CAMK2A: variants seen among roughly 807,000 people sequenced by gnomAD.
CAMK2A encodes the protein calcium/calmodulin-dependent protein kinase type II subunit alpha.
In CAMK2A, 7 loss-of-function variants were observed where a neutral mutation model predicts 79.2. That is an observed-to-expected ratio of 0.09 (90% CI 0.05 to 0.17). CAMK2A has a LOEUF of 0.17. Ranked by LOEUF, CAMK2A falls within the 10% of genes least tolerant of loss-of-function variation. The pLI is 1.00. For synonymous variants in CAMK2A, 242 were observed against 251.7 expected, an observed-to-expected ratio of 0.96 and a Z score of 0.36; for missense variants, 214 against 646.4, an observed-to-expected ratio of 0.33 and a Z score of 7.25.
intron 1 of CAMK2A, among the ~76,000 whole-genome samples, chr5:150,279,716 G>A (rs1580955465): frequency 6.6e-6 from 1 of 152,232 alleles, no homozygotes; most frequent in African/African-American, 2.4e-5. Flanking sequence ...GAGGGTGGAC[G>A]AGCAGGAGTG....
At position 150,223,321 on chromosome 5, in the gene CAMK2A, T is replaced by G; in HGVS notation, c.1238-104A>C. 1.1e-6 allele frequency: 1 copy of G among 894,164 alleles called. No individual in the cohort carries two copies. Among genetic ancestry groups the G allele is most frequent in the Non-Finnish European group, 1.7e-6 (1 of 577,992 alleles). The allele number at this position is 894,164 out of a possible 1,614,324, so 55.4% of individuals were successfully genotyped here. A position where few individuals can be genotyped will look rare whatever the true frequency, so the allele number is the denominator to read the frequency against. On this transcript the variant is annotated intron_variant, in intron 17 of 18. Coordinates refer to ENST00000671881, the MANE Select transcript of CAMK2A (RefSeq NM_015981.4). This position sits in a 1 kb window ranked among gnomAD's most constrained non-coding sequence, Gnocchi z 4.1. Reference sequence around the variant, plus strand: ...AGCAGCCCTCTCAATGGAGGCGCCCTGCCTGACTCATTTGCAGGGAAGGGG... The same window carrying G: ...AGCAGCCCTCTCAATGGAGGCGCCCGGCCTGACTCATTTGCAGGGAAGGGG...
intron 16 of CAMK2A, among the ~76,000 whole-genome samples, chr5:150,228,901 G>A (rs947617441): frequency 6.6e-6 from 1 of 152,198 alleles, no homozygotes; most frequent in Non-Finnish European, 1.5e-5. Context: ...TCTGGGAGGA[G>A]AAGCACAGGG....
chr5:150,273,090 G>A lies in CAMK2A; in HGVS notation c.132C>T (p.Ile44=). The stretch of plus-strand genomic sequence containing the variant: ...CTCTGGCTGACAGCTTCTTTGTGTT[G>A]ATGATCTTGGCAGCATACTCCTGGC... The part of the protein sequence containing the change: ...LAGQEYAAKI[I]NTKKLSARDH... The change falls in exon 2 of 19, where the codon ATC becomes ATT. Residue 44 remains isoleucine, a synonymous_variant. Transcript: ENST00000671881. 1.2e-6 allele frequency: 2 copies of A among 1,613,790 alleles called. No individual in the cohort carries two copies. The highest frequency in any genetic ancestry group is 1.3e-5 in the African/African-American group (1 of 74,926).
intron 1 of CAMK2A, among the ~76,000 whole-genome samples, chr5:150,275,809 T>C (rs1048366086): frequency 1.3e-5 from 2 of 149,364 alleles, no homozygotes; most frequent in Non-Finnish European, 3.0e-5. Flanking sequence ...CTTCGGGGTA[T>C]GTGGATGTTT....
At chr5:150,282,098 T>C (rs1195185233) in intron 1 of CAMK2A, among the ~76,000 whole-genome samples, 2 of 152,146 alleles carry the variant, frequency 1.3e-5, no homozygotes, top group African/African-American at 2.4e-5. Context: ...TCCTAGGACC[T>C]GTTACTGAAA....
chr5:150,255,372 C>T lies in CAMK2A; in HGVS notation c.411+1201G>A, dbSNP rs549936925. ...AGAGGGGCAGGGTCTCTCTTCAGAG[C>T]ATTGTGCCCCAAAGAGGGACCCAGA... On this transcript the variant is annotated intron_variant, in intron 6 of 18. Transcript: ENST00000671881. 7.9e-5 allele frequency among the ~76,000 whole-genome samples: 12 copies of T among 151,744 alleles called. No individual in the cohort carries two copies. In the East Asian group the frequency reaches 2.3e-3, roughly 29 times the overall value.
At chr5:150,275,169 G>A (rs1756898288) in intron 1 of CAMK2A, among the ~76,000 whole-genome samples, 1 of 152,188 alleles carries the variant, frequency 6.6e-6, no homozygotes, top group Admixed American at 6.5e-5. Context: ...GAATTCATGG[G>A]CACACAGAGG....
chr5:150,239,694 A>C lies in CAMK2A; in HGVS notation c.1017+10T>G. ...GCATTTACCGGCGTTAGGAGACGGC[A>C]GACACTCACCATTAACTGAACGCTG... On this transcript the variant is annotated intron_variant, in intron 14 of 18. Transcript: ENST00000671881. 1 of 1,613,656 alleles carries C rather than the reference A, an allele frequency of 6.2e-7. No individual in the cohort carries two copies. Among genetic ancestry groups the C allele is most frequent in the Non-Finnish European group, 8.5e-7 (1 of 1,179,546 alleles).
chr5:150,266,433 A>T (rs1293306167), intron 2 of CAMK2A, among the ~76,000 whole-genome samples: 3 of 152,156 alleles, frequency 2.0e-5, no homozygotes, highest in African/African-American at 7.2e-5. Context: ...TTGGTAGTTA[A>T]CGCCTTAATT....
intron 2 of CAMK2A, among the ~76,000 whole-genome samples, chr5:150,272,496 C>G (rs530170125): frequency 3.4e-4 from 51 of 150,920 alleles, no homozygotes; most frequent in Non-Finnish European, 6.2e-4. Context: ...CGCTTGAACC[C>G]GGGAGGCAGA....
intron 13 of CAMK2A, among the ~76,000 whole-genome samples, chr5:150,241,058 C>T (rs953780154): frequency 2.0e-5 from 3 of 152,216 alleles, no homozygotes; most frequent in African/African-American, 7.2e-5. Context: ...GGACTTCTTC[C>T]CTCCTCCATC....
At chr5:150,239,765 A>G in intron 13 of CAMK2A, 29 bp from the exon 14 acceptor site, 1 of 1,607,074 alleles carries the variant, frequency 6.2e-7, no homozygotes, top group Non-Finnish European at 8.5e-7. Flanking sequence ...GAGATGGGAC[A>G]GGAAAAGACA....
intron 1 of CAMK2A, among the ~76,000 whole-genome samples, chr5:150,289,148 T>C (rs912547615): frequency 6.6e-6 from 1 of 152,144 alleles, no homozygotes; most frequent in African/African-American, 2.4e-5. Flanking sequence ...ACTGGAGGTA[T>C]CTAAGTGGAG....
intron 3 of CAMK2A, among the ~76,000 whole-genome samples, 168 bp from the exon 4 acceptor site, chr5:150,257,785 G>A (rs1239222115): frequency 6.6e-6 from 1 of 152,158 alleles, no homozygotes; most frequent in Non-Finnish European, 1.5e-5. Context: ...AGGGCTCACT[G>A]CATTGAGTCC....
intron 11 of CAMK2A, among the ~76,000 whole-genome samples, chr5:150,249,415 G>A (rs1170618893): frequency 6.6e-6 from 1 of 152,206 alleles, no homozygotes; most frequent in East Asian, 1.9e-4. Flanking sequence ...AGGGTCTCAC[G>A]TTCAGTCATG....
chr5:150,235,540 G>A (rs2114033988), intron 15 of CAMK2A, among the ~76,000 whole-genome samples: 1 of 152,374 alleles, frequency 6.6e-6, no homozygotes. Flanking sequence ...ATATTTCCCA[G>A]AATGTCTCTG....
At position 150,268,893 on chromosome 5, in the gene CAMK2A, A is replaced by C. The variant is rs374058042; in HGVS notation, c.158-3878T>G. 3.3e-4 allele frequency among the ~76,000 whole-genome samples: 50 copies of C among 152,122 alleles called. 3 individuals are homozygous for C. In the South Asian group the frequency reaches 4.2e-3, roughly 13 times the overall value. On this transcript the variant is annotated intron_variant, in intron 2 of 18. Transcript: ENST00000671881. ...TCCCTTCTCTGCCTCCCTCTTGAGT[A>C]GCTGGGACTACAGGCACCCGCCACC... is the stretch of plus-strand genomic sequence containing the variant.
In CAMK2A at chr5:150,265,257, A is replaced by G. The variant is rs559158251; in HGVS notation, c.158-242T>C. The G allele has an allele frequency of 1.4e-4, 69 of 499,016 alleles. No homozygotes were observed. In the Admixed American group the frequency reaches 2.0e-3, roughly 15 times the overall value. 30.9% of individuals were successfully genotyped at this position (499,016 alleles called of 1,614,324 possible). Reference sequence around the variant, plus strand: ...CTCGCCCTCTCTGGCCTCCGTTTCCATGATTCTTAAATGTGAGGCTTCTCC... The same window carrying G: ...CTCGCCCTCTCTGGCCTCCGTTTCCGTGATTCTTAAATGTGAGGCTTCTCC... On this transcript the variant is annotated intron_variant, in intron 2 of 18. Transcript: ENST00000671881.
intron 1 of CAMK2A, among the ~76,000 whole-genome samples, chr5:150,275,815 T>C (rs1756922421): frequency 6.8e-6 from 1 of 146,486 alleles, no homozygotes; most frequent in African/African-American, 2.6e-5. Context: ...GGTATGTGGA[T>C]GTTTTCACCA....
Sources: gnomAD v4.1 joint callset for allele counts (sites outside exome capture counted in the v4.1 genomes callset) on GRCh38, gnomAD v4.1.1 for gene constraint, Gnocchi (gnomAD v3.1) non-coding constraint, MANE v1.5 for transcripts, NCBI Gene and HGNC (gene_info 2026-07-23, HGNC 2026-07-21) for gene names.